The following SHISAL1 variants were observed in gnomAD, a reference collection of about 807,000 sequenced individuals.
SHISAL1 encodes the protein protein shisa-like-1.
SHISAL1 carries 9 observed loss-of-function variants against 22.6 expected under a neutral mutation model. The ratio of observed to expected loss-of-function variants is 0.40; its 90% CI spans 0.24 to 0.70. The LOEUF is 0.70. SHISAL1 is among the 30% of genes least tolerant of loss of function. SHISAL1 has a pLI of 0.39. For synonymous variants in SHISAL1, 119 were observed against 115.4 expected, an observed-to-expected ratio of 1.03 and a Z score of -0.20; for missense variants, 246 against 270.6, an observed-to-expected ratio of 0.91 and a Z score of 0.64.
chr22:44,298,205 C>A (rs758570323), intron 2 of SHISAL1, among the ~76,000 whole-genome samples: 1 of 152,208 alleles, frequency 6.6e-6, no homozygotes, highest in African/African-American at 2.4e-5. Context: ...AAGAATACCC[C>A]CTCTGGGGAT....
intron 4 of SHISAL1, among the ~76,000 whole-genome samples, chr22:44,273,791 G>A (rs1424868531): frequency 6.6e-6 from 1 of 152,138 alleles, no homozygotes; most frequent in Non-Finnish European, 1.5e-5. Flanking sequence ...GGGGATAAAT[G>A]TTGCTTTATG....
At chr22:44,323,475 T>C in the SHISAL1 span, among the ~76,000 whole-genome samples, 52 of 94,716 alleles carry the variant, frequency 5.5e-4, 1 homozygote, top group East Asian at 1.4e-3. Flanking sequence ...CATCCATCCA[T>C]TCATTCATCC....
chr22:44,295,426 C>T (rs1432013551), intron 3 of SHISAL1, among the ~76,000 whole-genome samples: 1 of 151,064 alleles, frequency 6.6e-6, no homozygotes, highest in Non-Finnish European at 1.5e-5. Context: ...AATATTAAAA[C>T]GTAAAATAAT....
the SHISAL1 span, among the ~76,000 whole-genome samples, chr22:44,322,747 C>G: frequency 6.6e-6 from 1 of 152,148 alleles, no homozygotes; most frequent in African/African-American, 2.4e-5. Flanking sequence ...CTTGGGCCAC[C>G]ATCCCTAGTC....
the SHISAL1 span, among the ~76,000 whole-genome samples, chr22:44,323,492 GCATCCATCCATCAAC>G: frequency 1.5e-5 from 1 of 68,820 alleles, no homozygotes; most frequent in East Asian, 5.4e-4. Flanking sequence ...ATCCATCCAT[GCATCCATCCATCAAC>G]CATCCATCCA....
intron 4 of SHISAL1, among the ~76,000 whole-genome samples, chr22:44,260,389 C>T (rs1282445897): frequency 6.6e-6 from 1 of 152,218 alleles, no homozygotes; most frequent in African/African-American, 2.4e-5. Context: ...GACATGGACT[C>T]ATTCTCAGCC....
chr22:44,296,648 T>A (rs763984194), intron 3 of SHISAL1, 24 bp downstream of exon 3: 210 of 1,605,672 alleles, frequency 1.3e-4, no homozygotes, highest in Non-Finnish European at 1.1e-4. Context: ...GGCAGTGGGG[T>A]TGCACCCCCA....
intron 4 of SHISAL1, among the ~76,000 whole-genome samples, chr22:44,278,589 G>C (rs1179961401): frequency 6.6e-6 from 1 of 151,780 alleles, no homozygotes; most frequent in Non-Finnish European, 1.5e-5. Flanking sequence ...CGGCCTGTGT[G>C]CTGGCTCCGG....
At chr22:44,330,067 C>A in the SHISAL1 span, among the ~76,000 whole-genome samples, 1 of 152,228 alleles carries the variant, frequency 6.6e-6, no homozygotes, top group Non-Finnish European at 1.5e-5. Context: ...CAGGACATTA[C>A]TGACAGAAAA....
rs142822353 is a variant in SHISAL1, at chr22:44,281,706, C to T, written c.599+3722G>A. Among the ~76,000 whole-genome samples the T allele has an allele frequency of 1.1e-4, 16 of 152,230 alleles. No individual in the cohort carries two copies. In the East Asian group the frequency reaches 2.5e-3, roughly 24 times the overall value. ...CCTGACTACTTTCAGGAGGAAATGA[C>T]GGGTGGAGTCTTGGGGTCACCAGAG... On this transcript the variant is annotated intron_variant, in intron 4 of 4. Coordinates refer to ENST00000381176, the MANE Select transcript of SHISAL1 (RefSeq NM_001099294.2).
chr22:44,264,888 C>T (rs570938622), intron 4 of SHISAL1, among the ~76,000 whole-genome samples: 2 of 152,028 alleles, frequency 1.3e-5, no homozygotes, highest in Admixed American at 1.3e-4. Context: ...GGGCGAGGTC[C>T]CCAACACATA....
chr22:44,325,279 C>T, the SHISAL1 span, among the ~76,000 whole-genome samples: 1 of 151,636 alleles, frequency 6.6e-6, no homozygotes, highest in Non-Finnish European at 1.5e-5. Flanking sequence ...GCTGGACTCT[C>T]ACTGAGCTGA....
At chr22:44,297,426 G>C (rs1188117354) in intron 2 of SHISAL1, among the ~76,000 whole-genome samples, 1 of 152,234 alleles carries the variant, frequency 6.6e-6, no homozygotes, top group Non-Finnish European at 1.5e-5. Context: ...GCTCAGCCCA[G>C]GCTGGCCCGG....
rs530209660 is a variant in SHISAL1 at position 44,251,237 on chromosome 22, C to G, written c.*-1552G>C. Among the ~76,000 whole-genome samples the G allele has an allele frequency of 3.9e-5, 6 of 152,198 alleles. No individual in the cohort carries two copies. In the South Asian group the frequency reaches 1.2e-3, roughly 32 times the overall value. ...AGGGCCTAGAACAGTAACTGGCATA[C>G]TGTAGGGGCTTAATAAATATTTGTC... is the stretch of plus-strand genomic sequence containing the variant. On this transcript the variant is annotated intron_variant, in intron 4 of 4. Transcript: ENST00000381176.
At chr22:44,299,421 T>C (rs1383767840) in intron 2 of SHISAL1, among the ~76,000 whole-genome samples, 1 of 152,200 alleles carries the variant, frequency 6.6e-6, no homozygotes, top group Non-Finnish European at 1.5e-5. Flanking sequence ...ACCTTCCTCA[T>C]TTGTAAAATG....
At chr22:44,327,519 GC>G in the SHISAL1 span, among the ~76,000 whole-genome samples, 1 of 152,162 alleles carries the variant, frequency 6.6e-6, no homozygotes, top group East Asian at 1.9e-4. Context: ...GACATCCACA[GC>G]CCCAGCTAGA....
rs142845746 is a variant in SHISAL1 at position 44,306,315 on chromosome 22, C to T, written c.-32-5338G>A. 3.8e-3 allele frequency among the ~76,000 whole-genome samples: 423 copies of T among 111,164 alleles called. 3 individuals carry two copies. The highest frequency in any genetic ancestry group is 0.012 in the African/African-American group (404 of 33,414). 72.9% of individuals were successfully genotyped at this position (111,164 alleles called of 152,430 possible). ...ACCTGGGCTCAGGGAGCTGTGATGACGATGGCATGTGTGGAGGGTACCTGG... is the reference window on the plus strand; with the variant it reads ...ACCTGGGCTCAGGGAGCTGTGATGATGATGGCATGTGTGGAGGGTACCTGG... On this transcript the variant is annotated intron_variant, in intron 1 of 4. Coordinates refer to ENST00000381176, the MANE Select transcript of SHISAL1 (RefSeq NM_001099294.2).
At chr22:44,327,907 T>C in the SHISAL1 span, among the ~76,000 whole-genome samples, 1 of 151,850 alleles carries the variant, frequency 6.6e-6, no homozygotes, top group Non-Finnish European at 1.5e-5. Context: ...TTCTTAGGGG[T>C]TGACAATTGT....
At chr22:44,300,518 G>C (rs2055420751) in intron 2 of SHISAL1, among the ~76,000 whole-genome samples, 1 of 152,216 alleles carries the variant, frequency 6.6e-6, no homozygotes, top group South Asian at 2.1e-4. Context: ...CCCTCTCCAA[G>C]CCTCAGTTTC....
Sources: allele counts gnomAD v4.1 joint callset (sites outside exome capture counted in the v4.1 genomes callset), GRCh38; gene constraint gnomAD v4.1.1; transcripts MANE v1.5; gene names NCBI Gene and HGNC (gene_info 2026-07-23, HGNC 2026-07-21).